The following EEF1D variants were observed in gnomAD, a reference collection of about 807,000 sequenced individuals.
EEF1D encodes the protein elongation factor 1-delta.
Under a neutral mutation model 63.9 loss-of-function variants are expected in EEF1D, and 47 were observed. The ratio of observed to expected loss-of-function variants is 0.74; its 90% CI spans 0.58 to 0.94. The LOEUF (loss-of-function observed/expected upper bound fraction) is 0.94. Ranked by LOEUF, EEF1D falls within the 40% of genes least tolerant of loss-of-function variation. The probability of loss-of-function intolerance (pLI) is 0.00; values close to 1 mark genes in which losing one functional copy is unlikely to be tolerated. For missense variants in EEF1D, 907 were observed against 899.0 expected (o/e 1.01, Z -0.11); for synonymous variants, 412 against 386.1 (o/e 1.07, Z -0.79).
At chr8:143,585,615 C>T (rs147625650) in intron 5 of EEF1D, among the ~76,000 whole-genome samples, 19 of 152,352 alleles carry the variant, frequency 1.2e-4, no homozygotes, top group African/African-American at 4.3e-4. Flanking sequence ...GTCCCAACTC[C>T]TCGGGAACAC....
chr8:143,595,244 T>C (rs1169896284), intron 1 of EEF1D, among the ~76,000 whole-genome samples: 5 of 152,160 alleles, frequency 3.3e-5, no homozygotes, highest in African/African-American at 1.2e-4. Flanking sequence ...TATTTTTTCA[T>C]ATTTTTAGTA....
At chr8:143,594,334 A>C (rs1477376329) in intron 1 of EEF1D, 1 of 152,426 alleles carries the variant, frequency 6.6e-6, no homozygotes, top group Non-Finnish European at 1.5e-5. Flanking sequence ...CACAGGTGGC[A>C]GCCAGCAAGA....
At position 143,586,724 on chromosome 8, in the gene EEF1D, C is replaced by G; in HGVS notation, c.1215+5G>C. On this transcript the variant is annotated splice_donor_5th_base_variant and intron_variant, in intron 4 of 9. Coordinates refer to ENST00000618139, the MANE Select transcript of EEF1D (RefSeq NM_001130053.5). ...CCGCCCAGCCGCCCCACGTGCAGCTCTCACCTGGCGGGAGGCACCTGCCAC... is the reference window on the plus strand; with the variant it reads ...CCGCCCAGCCGCCCCACGTGCAGCTGTCACCTGGCGGGAGGCACCTGCCAC... 1 of 1,612,784 alleles carries G rather than the reference C, an allele frequency of 6.2e-7. No individual in the cohort carries two copies. Among genetic ancestry groups the G allele is most frequent in the Admixed American group, 1.7e-5 (1 of 60,030 alleles).
In EEF1D at chr8:143,581,037, G is replaced by T. The variant is rs749788307; in HGVS notation, c.1488+17C>A. 1 of 1,609,688 alleles carries T rather than the reference G, an allele frequency of 6.2e-7. No homozygotes were observed. On this transcript the variant is annotated intron_variant, in intron 7 of 9. Transcript: ENST00000618139. Reference sequence around the variant, plus strand: ...CACGTGGTCCCCTGCAGTGTCAGGCGTGGGGAGAGCATTCACCTGGGTCTG... The same window carrying T: ...CACGTGGTCCCCTGCAGTGTCAGGCTTGGGGAGAGCATTCACCTGGGTCTG...
chr8:143,593,134 G>A (rs541096331), intron 1 of EEF1D, among the ~76,000 whole-genome samples: 1 of 152,256 alleles, frequency 6.6e-6, no homozygotes, highest in African/African-American at 2.4e-5. Context: ...AGGCCCGGAA[G>A]ATGACAAGGA....
At chr8:143,593,690 G>C (rs922930956) in intron 1 of EEF1D, among the ~76,000 whole-genome samples, 2 of 152,172 alleles carry the variant, frequency 1.3e-5, no homozygotes, top group Non-Finnish European at 2.9e-5. Flanking sequence ...CTTCCCTGCA[G>C]AGAGGAAGCC....
chr8:143,593,505 C>T (rs1195382916), intron 1 of EEF1D, among the ~76,000 whole-genome samples: 2 of 152,184 alleles, frequency 1.3e-5, no homozygotes, highest in Admixed American at 1.3e-4. Flanking sequence ...TGGGATCCGT[C>T]TTCCTTCACC....
In EEF1D at chr8:143,589,424, G is replaced by T; in HGVS notation, c.658C>A (p.Pro220Thr). Residue 220 changes from proline to threonine, a missense_variant, in exon 3 of 10, where the codon CCC becomes ACC. Physicochemically the swap from Pro to Thr is conservative, Grantham distance 38 (BLOSUM62 -1). Transcript: ENST00000618139. Reference sequence around the variant, plus strand: ...AGTGCCTGCAGGCTGCCCAGCGGGGGCTGGCCATTGACCGGTGGGCTGGGC... The same window carrying T: ...AGTGCCTGCAGGCTGCCCAGCGGGGTCTGGCCATTGACCGGTGGGCTGGGC... ...HQPSPPVNGQ[P>T]PLGSLQALVR... 1 of 1,529,044 alleles carries T rather than the reference G, an allele frequency of 6.5e-7. No homozygotes were observed. The allele number at this position is 1,529,044 out of a possible 1,614,324, so 94.7% of individuals were successfully genotyped here. A position where few individuals can be genotyped will look rare whatever the true frequency, so the allele number is the denominator to read the frequency against.
Position 143,579,747 on chromosome 8 carries a change from CG to C in EEF1D, c.*44del. 1 of 1,511,976 alleles carries C rather than the reference CG, an allele frequency of 6.6e-7. No homozygotes were observed. Among genetic ancestry groups the C allele is most frequent in the Non-Finnish European group, 8.9e-7 (1 of 1,128,988 alleles). The allele number at this position is 1,511,976 out of a possible 1,614,324, so 93.7% of individuals were successfully genotyped here. On this transcript the variant is annotated 3_prime_UTR_variant, in exon 10 of 10. Coordinates refer to ENST00000618139, the MANE Select transcript of EEF1D (RefSeq NM_001130053.5). ...CAGAGGGCCGGTCTCAGTCTTTAAT[CG>C]TGGCAGGGCCTCACGCACGCGCGCA...
chr8:143,596,909 G>A (rs1312451332), intron 1 of EEF1D: 1 of 152,346 alleles, frequency 6.6e-6, no homozygotes, highest in Non-Finnish European at 1.5e-5. Context: ...TGTTGCGTCC[G>A]TGCCTATCCC....
At position 143,580,036 on chromosome 8, in the gene EEF1D, C is replaced by T; in HGVS notation, c.1881G>A (p.Glu627=). 1.2e-6 allele frequency: 2 copies of T among 1,613,888 alleles called. No homozygotes were observed. Among genetic ancestry groups the T allele is most frequent in the Non-Finnish European group, 1.7e-6 (2 of 1,179,914 alleles). ...CGTGCTCCTCAAACTTGGTGATCTC[C>T]TCCTCCAGCAAGTCTGTCCCCACCT... ...DDKVGTDLLE[E]EITKFEEHVQ... The change falls in exon 9 of 10, where the codon GAG becomes GAA. Residue 627 remains glutamate (E), a synonymous_variant. Transcript: ENST00000618139.
chr8:143,583,028 G>A (rs1484727571), intron 5 of EEF1D: 1 of 152,226 alleles, frequency 6.6e-6, no homozygotes, highest in Non-Finnish European at 1.5e-5. Context: ...TCCACATGCT[G>A]GAGTCTTATC....
In EEF1D at chr8:143,589,486, G is replaced by A. The variant is rs150486644; in HGVS notation, c.596C>T (p.Thr199Ile). ...GTCGGGGACGGCCACCTGCTGGCCT[G>A]TGTTGGGAGTCCCCTGCCTGCGGCT... ...DGSRRQGTPN[T>I]GQQVAVPDLA... The change falls in exon 3 of 10, where the codon ACA (threonine) becomes ATA (isoleucine). Residue 199 changes from threonine (T) to isoleucine (I), a missense_variant. Transcript: ENST00000618139. 1.6e-5 allele frequency: 24 copies of A among 1,525,884 alleles called. No homozygotes were observed. The highest frequency in any genetic ancestry group is 1.9e-5 in the Non-Finnish European group (22 of 1,133,038). 94.5% of individuals were successfully genotyped at this position (1,525,884 alleles called of 1,614,324 possible).
At chr8:143,586,379 C>CA in intron 4 of EEF1D, 89 bp from the exon 5 acceptor site, 1 of 1,205,612 alleles carries the variant, frequency 8.3e-7, no homozygotes, top group Non-Finnish European at 1.1e-6. Flanking sequence ...CATGAACCCT[C>CA]ACATAGAGAC....
chr8:143,592,003 C>T lies in EEF1D; in HGVS notation c.-1+644G>A, dbSNP rs548389835. Reference sequence around the variant, plus strand: ...AGTTCTAATGGCACCAACGAGGAACCGGGGCCCATGGGAGGCCACAGGGCC... The same window carrying T: ...AGTTCTAATGGCACCAACGAGGAACTGGGGCCCATGGGAGGCCACAGGGCC... On this transcript the variant is annotated intron_variant, in intron 2 of 9. Transcript: ENST00000618139. 6.4e-4 allele frequency: 625 copies of T among 977,564 alleles called. 4 individuals carry two copies. In the African/African-American group the frequency reaches 0.01, roughly 16 times the overall value. 60.6% of individuals were successfully genotyped at this position (977,564 alleles called of 1,614,324 possible).
chr8:143,581,033 A>C (rs1163302689), intron 7 of EEF1D, 21 bp downstream of exon 7: 1 of 1,607,914 alleles, frequency 6.2e-7, no homozygotes, highest in African/African-American at 1.3e-5. Flanking sequence ...CTGCAGTGTC[A>C]GGCGTGGGGA....
At chr8:143,586,945 C>A (rs1050368487) in intron 3 of EEF1D, 93 bp from the exon 4 acceptor site, 15 of 1,538,988 alleles carry the variant, frequency 9.7e-6, no homozygotes, top group Non-Finnish European at 1.3e-5. Flanking sequence ...GGGGCTGACA[C>A]CCGCTTCAGA....
Position 143,586,986 on chromosome 8 carries a change from G to C in EEF1D, c.1092-134C>G. 3.2e-6 allele frequency: 4 copies of C among 1,234,424 alleles called. No homozygotes were observed. The South Asian group carries it at 5.6e-5, about 17-fold the overall frequency. The allele number at this position is 1,234,424 out of a possible 1,614,324, so 76.5% of individuals were successfully genotyped here. ...GCGGTTCTCCACAAAGCGACACCAA[G>C]CCCGTAAGCCCTCACCCCACATGGC... On this transcript the variant is annotated intron_variant, in intron 3 of 9. Transcript: ENST00000618139.
chr8:143,591,980 T>G (rs1828041625), intron 2 of EEF1D: 1 of 960,048 alleles, frequency 1.0e-6, no homozygotes, highest in African/African-American at 1.8e-5. Flanking sequence ...CAGCAACAAG[T>G]TCTAATGGCA....
Sources: allele counts gnomAD v4.1 joint callset (sites outside exome capture counted in the v4.1 genomes callset), GRCh38; gene constraint gnomAD v4.1.1; transcripts MANE v1.5; gene names NCBI Gene and HGNC (gene_info 2026-07-23, HGNC 2026-07-21).